Variants in BACH2 observed in about 807,000 individuals in gnomAD.
BACH2 encodes the protein BACH transcriptional regulator 2, also known as transcription regulator protein BACH2.
A neutral mutation model predicts 61.8 loss-of-function variants in BACH2; 5 were observed. That is an observed-to-expected ratio of 0.08 (90% CI 0.04 to 0.17). The LOEUF (loss-of-function observed/expected upper bound fraction) is 0.17, where lower values mean the gene tolerates loss of function less well. Ranked by LOEUF, BACH2 falls within the 10% of genes least tolerant of loss-of-function variation. The pLI is 1.00. For synonymous variants in BACH2, 446 were observed against 440.1 expected (o/e 1.01, Z -0.17); for missense variants, 824 against 1,091.1 (o/e 0.76, Z 3.45).
intron 4 of BACH2, among the ~76,000 whole-genome samples, chr6:90,103,029 A>ATATATATATATATTTTTTTTTT: frequency 1.9e-4 from 4 of 21,164 alleles, no homozygotes; most frequent in African/African-American, 7.2e-4. Context: ...ATATATATAT[A>ATATATATATATATTTTTTTTTT]TTTTTTTTTT....
chr6:90,115,543 G>A (rs1041032524), intron 4 of BACH2, among the ~76,000 whole-genome samples: 11 of 152,108 alleles, frequency 7.2e-5, no homozygotes, highest in Admixed American at 6.6e-4. Flanking sequence ...ACACTTAAAT[G>A]TAAAACTCCA....
chr6:90,071,180 T>C (rs1443852205), intron 5 of BACH2, among the ~76,000 whole-genome samples: 1 of 152,232 alleles, frequency 6.6e-6, no homozygotes, highest in Non-Finnish European at 1.5e-5. Flanking sequence ...ACTGGTATAA[T>C]ACTCCTAATG....
intron 6 of BACH2, among the ~76,000 whole-genome samples, chr6:89,990,460 C>A (rs1047660496): frequency 6.6e-6 from 1 of 152,164 alleles, no homozygotes; most frequent in African/African-American, 2.4e-5. Context: ...ACCTACCCAA[C>A]CCTGTGTCTC....
chr6:90,043,575 T>C (rs73752871), intron 5 of BACH2, among the ~76,000 whole-genome samples: 434 of 150,320 alleles, frequency 2.9e-3, no homozygotes, highest in African/African-American at 0.01. Context: ...GTTTCAGATA[T>C]TAACTTACAG....
intron 5 of BACH2, among the ~76,000 whole-genome samples, chr6:90,058,864 G>A (rs1489696030): frequency 6.6e-6 from 1 of 152,200 alleles, no homozygotes; most frequent in African/African-American, 2.4e-5. Flanking sequence ...ACAAAAACAA[G>A]AAATGGGGAA....
At chr6:90,162,052 C>A (rs1785210519) in intron 4 of BACH2, among the ~76,000 whole-genome samples, 1 of 152,082 alleles carries the variant, frequency 6.6e-6, no homozygotes, top group African/African-American at 2.4e-5. Context: ...CAATGCTGCT[C>A]CAGAGAATGT....
At chr6:90,225,069 C>T (rs1769866496) in intron 3 of BACH2, among the ~76,000 whole-genome samples, 2 of 149,494 alleles carry the variant, frequency 1.3e-5, no homozygotes, top group South Asian at 4.2e-4. Context: ...TACATCATAA[C>T]AACAACAACA....
At chr6:90,027,689 C>T (rs548626514) in intron 5 of BACH2, among the ~76,000 whole-genome samples, 8 of 152,276 alleles carry the variant, frequency 5.3e-5, no homozygotes, top group African/African-American at 1.4e-4. Context: ...CCATTTGAAT[C>T]CCTGCTCTCC....
intron 7 of BACH2, among the ~76,000 whole-genome samples, chr6:89,939,843 T>TTG (rs1773308739): frequency 7.7e-6 from 1 of 130,210 alleles, no homozygotes; most frequent in Admixed American, 7.9e-5. Context: ...TTTTTTTTTT[T>TTG]TTGTAGAGAT....
intron 5 of BACH2, among the ~76,000 whole-genome samples, chr6:90,038,941 G>A (rs1779393599): frequency 6.6e-6 from 1 of 151,748 alleles, no homozygotes; most frequent in Non-Finnish European, 1.5e-5. Context: ...TCAGGAGGCT[G>A]AGGCAAGAGA....
At chr6:90,025,106 G>A (rs1206227919) in intron 5 of BACH2, among the ~76,000 whole-genome samples, 1 of 152,192 alleles carries the variant, frequency 6.6e-6, no homozygotes, top group Non-Finnish European at 1.5e-5. Flanking sequence ...AAAAGGAGAT[G>A]AAATCAGCGG....
chr6:90,294,839 C>T (rs1483878667), intron 1 of BACH2, among the ~76,000 whole-genome samples: 1 of 152,168 alleles, frequency 6.6e-6, no homozygotes, highest in African/African-American at 2.4e-5. Context: ...CGTGCCTTTC[C>T]TACATGTTAC....
At chr6:90,240,199 T>A (rs915393321) in intron 3 of BACH2, among the ~76,000 whole-genome samples, 1 of 152,170 alleles carries the variant, frequency 6.6e-6, no homozygotes, top group Non-Finnish European at 1.5e-5. Flanking sequence ...TGGAAGTAAA[T>A]GAAAAAATAC....
chr6:90,081,221 C>G (rs920871257), intron 5 of BACH2, among the ~76,000 whole-genome samples: 5 of 152,146 alleles, frequency 3.3e-5, no homozygotes, highest in East Asian at 1.9e-4. Context: ...AATTCAGATC[C>G]AATGTCATAA....
chr6:90,240,876 T>G (rs575922408), intron 3 of BACH2, among the ~76,000 whole-genome samples: 1 of 152,152 alleles, frequency 6.6e-6, no homozygotes, highest in African/African-American at 2.4e-5. Context: ...CCATTAAATA[T>G]AATACTAAAT....
At chr6:89,969,761 A>T (rs1775258906) in intron 6 of BACH2, among the ~76,000 whole-genome samples, 1 of 152,166 alleles carries the variant, frequency 6.6e-6, no homozygotes, top group Admixed American at 6.5e-5. Context: ...ATCTGTTGGG[A>T]AGAGGCTGAC....
At chr6:90,014,354 T>C (rs1777901257) in intron 5 of BACH2, among the ~76,000 whole-genome samples, 1 of 147,394 alleles carries the variant, frequency 6.8e-6, no homozygotes, top group Non-Finnish European at 1.5e-5. Flanking sequence ...TGTGAAGACT[T>C]CTGAGCTGGG....
At chr6:90,123,482 C>T (rs543021805) in intron 4 of BACH2, among the ~76,000 whole-genome samples, 6 of 152,262 alleles carry the variant, frequency 3.9e-5, no homozygotes, top group South Asian at 2.1e-4. Flanking sequence ...ATAAGAAGAC[C>T]GGTGGGGGCC....
chr6:89,935,642 T>A (rs548669229), intron 8 of BACH2, among the ~76,000 whole-genome samples: 1 of 152,238 alleles, frequency 6.6e-6, no homozygotes, highest in East Asian at 1.9e-4. Context: ...GAGAACTAGA[T>A]GATGCTCTAA....
Sources: allele counts gnomAD v4.1 joint callset (sites outside exome capture counted in the v4.1 genomes callset), GRCh38; gene constraint gnomAD v4.1.1; transcripts MANE v1.5; gene names NCBI Gene and HGNC (gene_info 2026-07-23, HGNC 2026-07-21).